Variants in LSM14A observed in about 807,000 individuals in gnomAD.
The protein encoded by LSM14A is LSM14A mRNA processing body assembly factor.
Under a neutral mutation model 52.4 loss-of-function variants are expected in LSM14A, and 14 were observed. The observed-to-expected ratio is 0.27, with a 90% CI of 0.18 to 0.42. The LOEUF (loss-of-function observed/expected upper bound fraction) is 0.42, where lower values mean the gene tolerates loss of function less well. Ranked by LOEUF, LSM14A falls within the 10% of genes least tolerant of loss-of-function variation. The pLI is 1.00. For missense variants in LSM14A, 417 were observed against 581.8 expected (o/e 0.72, Z 2.91); for synonymous variants, 185 against 200.3 (o/e 0.92, Z 0.64).
Position 34,172,510 on chromosome 19 carries a change from G to A in LSM14A, c.-133G>A. Reference sequence around the variant, plus strand: ...CGGGAGGCTGGGGGAGGGTAGCGGAGCCGGCGCCGCCGCCATGTTGGGTCT... The same window carrying A: ...CGGGAGGCTGGGGGAGGGTAGCGGAACCGGCGCCGCCGCCATGTTGGGTCT... On this transcript the variant is annotated 5_prime_UTR_variant, in exon 1 of 10. Coordinates refer to ENST00000544216, the MANE Select transcript of LSM14A (RefSeq NM_015578.4). 9.5e-7 allele frequency: 1 copy of A among 1,053,508 alleles called. No individual in the cohort carries two copies. Among genetic ancestry groups the A allele is most frequent in the African/African-American group, 1.7e-5 (1 of 59,626 alleles). 65.3% of individuals were successfully genotyped at this position (1,053,508 alleles called of 1,614,324 possible).
At chr19:34,187,173 C>T (rs1371959307) in intron 1 of LSM14A, among the ~76,000 whole-genome samples, 2 of 151,110 alleles carry the variant, frequency 1.3e-5, no homozygotes, top group African/African-American at 4.9e-5. Context: ...TACTTGAACC[C>T]AGGAAGCAGA....
chr19:34,196,817 C>CTTTGTGGTAA, intron 3 of LSM14A, 54 bp downstream of exon 3: 2 of 1,481,206 alleles, frequency 1.4e-6, no homozygotes, highest in South Asian at 1.3e-5. Context: ...CTTTCTTTAC[C>CTTTGTGGTAA]ACAAAGGTAT....
At chr19:34,187,055 T>C (rs1473810489) in intron 1 of LSM14A, among the ~76,000 whole-genome samples, 2 of 149,124 alleles carry the variant, frequency 1.3e-5, no homozygotes, top group Non-Finnish European at 1.5e-5. Flanking sequence ...CTGGCCAACA[T>C]GGTGAAACCC....
chr19:34,222,197 C>G (rs750688504), intron 9 of LSM14A, among the ~76,000 whole-genome samples: 5 of 152,140 alleles, frequency 3.3e-5, no homozygotes, highest in African/African-American at 4.8e-5. Flanking sequence ...AAGTAACTTG[C>G]GAAAGGTCAC....
At chr19:34,192,323 T>TGTTGTTG in intron 1 of LSM14A, among the ~76,000 whole-genome samples, 7 of 99,200 alleles carry the variant, frequency 7.1e-5, no homozygotes, top group African/African-American at 2.5e-4. Context: ...TTTGTTGTTT[T>TGTTGTTG]TTTTTTTTTT....
At chr19:34,208,561 CTTAGTA>C (rs1036130994) in intron 3 of LSM14A, 13 of 159,042 alleles carry the variant, frequency 8.2e-5, no homozygotes, top group Non-Finnish European at 1.6e-4. Context: ...TGTCCAGATA[CTTAGTA>C]TTAGAATCAC....
intron 3 of LSM14A, among the ~76,000 whole-genome samples, chr19:34,206,031 G>A (rs1005030222): frequency 1.4e-4 from 22 of 152,038 alleles, no homozygotes; most frequent in Admixed American, 9.8e-4. Context: ...GATGAAGTGG[G>A]CAAATTTCTT....
intron 3 of LSM14A, among the ~76,000 whole-genome samples, chr19:34,205,726 A>G (rs1009679783): frequency 3.3e-5 from 5 of 152,058 alleles, no homozygotes; most frequent in Non-Finnish European, 5.9e-5. Flanking sequence ...AGGAAAAAAA[A>G]TGAAAGAAAA....
chr19:34,192,912 G>C (rs539343531), intron 1 of LSM14A, among the ~76,000 whole-genome samples: 1 of 152,076 alleles, frequency 6.6e-6, no homozygotes, highest in South Asian at 2.1e-4. Context: ...CCAAGAGGCA[G>C]AGGTTACAGT....
intron 9 of LSM14A, 100 bp from the exon 10 acceptor site, chr19:34,227,265 A>C: frequency 1.3e-6 from 1 of 756,500 alleles, no homozygotes; most frequent in Non-Finnish European, 2.2e-6. Context: ...AAAGTGGGGG[A>C]GTATATTTAA....
chr19:34,189,949 C>CTGTT (rs2070231229), intron 1 of LSM14A, among the ~76,000 whole-genome samples: 1 of 152,120 alleles, frequency 6.6e-6, no homozygotes, highest in East Asian at 1.9e-4. Context: ...ACTGTTGTTA[C>CTGTT]CTGCAAATGC....
chr19:34,221,868 G>A (rs2073088413), intron 9 of LSM14A, 130 bp downstream of exon 9: 2 of 1,440,304 alleles, frequency 1.4e-6, no homozygotes, highest in East Asian at 2.5e-5. Context: ...TGACTTTTCA[G>A]TAGAGGATAT....
At chr19:34,209,694 C>A (rs537600246) in intron 4 of LSM14A, among the ~76,000 whole-genome samples, 6 of 152,092 alleles carry the variant, frequency 3.9e-5, no homozygotes, top group African/African-American at 1.4e-4. Context: ...TTTTCTTAAT[C>A]TTTTTCTTTC....
At chr19:34,196,606 G>A in intron 2 of LSM14A, 28 bp from the exon 3 acceptor site, 1 of 1,560,638 alleles carries the variant, frequency 6.4e-7, no homozygotes, top group Admixed American at 2.1e-5. Context: ...CTTAGAGCTT[G>A]GAAACATAAC....
intron 2 of LSM14A, among the ~76,000 whole-genome samples, chr19:34,195,471 C>T (rs1403236659): frequency 6.6e-6 from 1 of 152,086 alleles, no homozygotes; most frequent in Admixed American, 6.6e-5. Flanking sequence ...AGCCACTGTG[C>T]CTGGCCTGCA....
At position 34,229,165 on chromosome 19, in the gene LSM14A, G is replaced by A. The variant is rs905642644; in HGVS notation, c.*1777G>A. The stretch of plus-strand genomic sequence containing the variant: ...AGTTTATGCGTTTTCCCAGCCCTCC[G>A]AATCACTGACTGGGGCGTTTTGTGC... On this transcript the variant is annotated 3_prime_UTR_variant, in exon 10 of 10. Coordinates refer to ENST00000544216, the MANE Select transcript of LSM14A (RefSeq NM_015578.4). 1.3e-5 allele frequency: 2 copies of A among 152,122 alleles called. No individual in the cohort carries two copies. Among genetic ancestry groups the A allele is most frequent in the African/African-American group, 2.4e-5 (1 of 41,412 alleles). 9.4% of individuals were successfully genotyped at this position (152,122 alleles called of 1,614,324 possible).
chr19:34,225,301 G>A (rs374160922), intron 9 of LSM14A, among the ~76,000 whole-genome samples: 4 of 152,166 alleles, frequency 2.6e-5, no homozygotes, highest in South Asian at 2.1e-4. Flanking sequence ...CTAGAGCCCC[G>A]AACCCAGCAG....
intron 9 of LSM14A, chr19:34,226,320 C>T (rs2073335425): frequency 2.5e-6 from 3 of 1,193,768 alleles, no homozygotes; most frequent in Non-Finnish European, 3.5e-6. Flanking sequence ...AATGCTCTCT[C>T]TCCTCTCCCC....
chr19:34,188,771 C>T (rs1438186494), intron 1 of LSM14A, among the ~76,000 whole-genome samples: 1 of 152,014 alleles, frequency 6.6e-6, no homozygotes, highest in Admixed American at 6.6e-5. Flanking sequence ...CTTGATGTAA[C>T]ATGTATCAGC....
Sources: gnomAD v4.1 joint callset for allele counts (sites outside exome capture counted in the v4.1 genomes callset) on GRCh38, gnomAD v4.1.1 for gene constraint, MANE v1.5 for transcripts, NCBI Gene and HGNC (gene_info 2026-07-23, HGNC 2026-07-21) for gene names.